ARMC9: variants seen among roughly 807,000 people sequenced by gnomAD.
ARMC9 encodes lisH domain-containing protein ARMC9.
In ARMC9, 94 loss-of-function variants were observed where a neutral mutation model predicts 107.0. The ratio of observed to expected loss-of-function variants is 0.88; its 90% confidence interval spans 0.74 to 1.04. ARMC9 has a LOEUF of 1.04. Among genes scored for constraint, ARMC9 ranks in the 50% least tolerant of loss-of-function variants. The probability of loss-of-function intolerance (pLI) is 0.00; values close to 1 mark genes in which losing one functional copy is unlikely to be tolerated. For missense variants in ARMC9, 942 were observed against 1,030.1 expected (o/e 0.91, Z 1.17); for synonymous variants, 380 against 396.9 (o/e 0.96, Z 0.51).
At chr2:231,338,368 G>A (rs2044270670) in intron 20 of ARMC9, among the ~76,000 whole-genome samples, 1 of 151,806 alleles carries the variant, frequency 6.6e-6, no homozygotes, top group South Asian at 2.1e-4. Context: ...GGGACTACAG[G>A]CGTATGTGCC....
chr2:231,314,334 T>C (rs1176320242), intron 19 of ARMC9, among the ~76,000 whole-genome samples: 1 of 152,212 alleles, frequency 6.6e-6, no homozygotes, highest in Non-Finnish European at 1.5e-5. Flanking sequence ...CGCCTTGGCC[T>C]CCCAAAGTGC....
chr2:231,308,807 T>C (rs1052533371), intron 19 of ARMC9, among the ~76,000 whole-genome samples: 60 of 152,204 alleles, frequency 3.9e-4, no homozygotes, highest in African/African-American at 1.4e-3. Context: ...ACCTGTGAGA[T>C]TGTGGACCCA....
chr2:231,239,583 CTCTT>C (rs1470973651), intron 8 of ARMC9, among the ~76,000 whole-genome samples: 1 of 152,222 alleles, frequency 6.6e-6, no homozygotes, highest in Non-Finnish European at 1.5e-5. Flanking sequence ...AAGCTTGGCT[CTCTT>C]TCCCCCACAT....
chr2:231,209,350 C>T (rs2032495117), intron 3 of ARMC9, among the ~76,000 whole-genome samples: 1 of 152,112 alleles, frequency 6.6e-6, no homozygotes, highest in Admixed American at 6.6e-5. Context: ...TGCTGCACTC[C>T]AGCTGTAGTG....
intron 20 of ARMC9, among the ~76,000 whole-genome samples, chr2:231,343,270 A>T (rs1291511476): frequency 1.3e-5 from 2 of 151,616 alleles, no homozygotes; most frequent in Non-Finnish European, 2.9e-5. Context: ...CCCAGGGTCC[A>T]GTGAGGCTCA....
intron 24 of ARMC9, among the ~76,000 whole-genome samples, chr2:231,370,392 A>G (rs571768923): frequency 1.3e-5 from 2 of 152,304 alleles, no homozygotes; most frequent in African/African-American, 4.8e-5. Flanking sequence ...TGAGACCTCC[A>G]GGCAGGTCAC....
chr2:231,349,669 T>C (rs889097209), intron 21 of ARMC9, among the ~76,000 whole-genome samples: 3 of 151,840 alleles, frequency 2.0e-5, no homozygotes, highest in African/African-American at 7.3e-5. Context: ...GTAATCCAGC[T>C]CCTCGGGAGG....
chr2:231,355,901 C>G lies in ARMC9; in HGVS notation c.2098C>G (p.Pro700Ala). ...CGAGGCTGTCTACAGGGAGGGCAAG[C>G]CCAGCACCCCGGAGTCCTGCGTCTC... is the stretch of plus-strand genomic sequence containing the variant. ...AHEAVYREGK[P>A]STPESCVSSS... The change falls in exon 22 of 25, where the codon CCC becomes GCC. Residue 700 changes from proline (P) to alanine (A), a missense_variant. Physicochemically the swap from Pro to Ala is conservative, Grantham distance 27. Transcript: ENST00000611582. 6.5e-7 allele frequency: 1 copy of G among 1,536,112 alleles called. No individual in the cohort carries two copies. The highest frequency in any genetic ancestry group is 8.7e-7 in the Non-Finnish European group (1 of 1,146,900).
intron 17 of ARMC9, among the ~76,000 whole-genome samples, chr2:231,282,613 C>T (rs1237909595): frequency 2.0e-5 from 3 of 152,086 alleles, no homozygotes; most frequent in Non-Finnish European, 2.9e-5. Context: ...TTCTTTCTAC[C>T]ATGTGAAACC....
At chr2:231,324,356 G>A (rs1180704085) in intron 19 of ARMC9, among the ~76,000 whole-genome samples, 1 of 150,576 alleles carries the variant, frequency 6.6e-6, no homozygotes, top group African/African-American at 2.4e-5. Flanking sequence ...TTGAACGCCT[G>A]ACCTCGTAAT....
intron 17 of ARMC9, among the ~76,000 whole-genome samples, chr2:231,283,999 T>C (rs1478363334): frequency 6.6e-6 from 1 of 152,200 alleles, no homozygotes; most frequent in African/African-American, 2.4e-5. Context: ...AGGGATTACA[T>C]GCATGAGCCG....
chr2:231,207,473 CT>C (rs924902189), intron 2 of ARMC9, among the ~76,000 whole-genome samples: 24 of 147,366 alleles, frequency 1.6e-4, no homozygotes, highest in African/African-American at 4.2e-4. Flanking sequence ...ACCATTTTTT[CT>C]TTTTTTTTTC....
chr2:231,370,224 G>C, intron 24 of ARMC9, 99 bp downstream of exon 24: 1 of 1,325,152 alleles, frequency 7.5e-7, no homozygotes, highest in South Asian at 1.7e-5. Context: ...GCTCCTGTGT[G>C]TACCAGGCCA....
chr2:231,321,342 G>T (rs1396345603), intron 19 of ARMC9, among the ~76,000 whole-genome samples: 1 of 152,206 alleles, frequency 6.6e-6, no homozygotes, highest in Non-Finnish European at 1.5e-5. Context: ...AAAGCAGCTG[G>T]CAGAGAAGTA....
intron 9 of ARMC9, 65 bp downstream of exon 9, chr2:231,240,106 C>A: frequency 7.6e-7 from 1 of 1,324,234 alleles, no homozygotes. Flanking sequence ...AAGAATGTAA[C>A]TTTAAAAATA....
chr2:231,256,253 G>A lies in ARMC9; in HGVS notation c.880-333G>A. Reference sequence around the variant, plus strand: ...CAATGTAAAAGGCCCCGTGCGCGAGGGCGACGTGCTCACCCTTTTGGAGTC... The same window carrying A: ...CAATGTAAAAGGCCCCGTGCGCGAGAGCGACGTGCTCACCCTTTTGGAGTC... On this transcript the variant is annotated intron_variant, in intron 9 of 24. Transcript: ENST00000611582. The A allele has an allele frequency of 3.2e-6, 5 of 1,548,886 alleles. No homozygotes were observed. In the South Asian group the frequency reaches 6.0e-5, roughly 19 times the overall value.
intron 7 of ARMC9, among the ~76,000 whole-genome samples, chr2:231,228,235 A>G (rs2034847042): frequency 6.6e-6 from 1 of 152,214 alleles, no homozygotes; most frequent in African/African-American, 2.4e-5. Flanking sequence ...TTGCTGCCTG[A>G]CAGACCATCC....
In ARMC9 at chr2:231,273,070, C is replaced by G. The variant is rs2125437074; in HGVS notation, c.1326C>G (p.Phe442Leu). The change falls in exon 14 of 25, where the codon TTC becomes TTG. Residue 442 changes from phenylalanine to leucine, a missense_variant. By Grantham distance (22) the Phe-to-Leu change is conservative (BLOSUM62 0). Coordinates refer to ENST00000611582, the MANE Select transcript of ARMC9 (RefSeq NM_001352754.2). ...RENVLGALQKFSLRRPLQTAM... is the reference protein window; with the variant it reads ...RENVLGALQKLSLRRPLQTAM... ...ATGTTCTTGGGGCCCTGCAGAAGTT[C>G]AGTCTCAGGTAACGACTGTGCAATA... 2 of 1,613,224 alleles carry G rather than the reference C, an allele frequency of 1.2e-6. No individual in the cohort carries two copies. Among genetic ancestry groups the G allele is most frequent in the Non-Finnish European group, 1.7e-6 (2 of 1,179,526 alleles).
At chr2:231,354,037 T>C (rs930518858) in intron 21 of ARMC9, among the ~76,000 whole-genome samples, 2 of 151,876 alleles carry the variant, frequency 1.3e-5, no homozygotes, top group Admixed American at 1.3e-4. Flanking sequence ...TATATAGATT[T>C]TTTTCCCCTC....
Sources: gnomAD v4.1 joint callset for allele counts (sites outside exome capture counted in the v4.1 genomes callset) on GRCh38, gnomAD v4.1.1 for gene constraint, MANE v1.5 for transcripts, NCBI Gene and HGNC (gene_info 2026-07-23, HGNC 2026-07-21) for gene names.